Variants in NEK2 observed in about 807,000 individuals in gnomAD.
NEK2 encodes the protein NIMA related kinase 2.
Under a neutral mutation model 54.1 loss-of-function variants are expected in NEK2, and 28 were observed. The observed-to-expected ratio is 0.52, with a 90% confidence interval of 0.38 to 0.71. The LOEUF (loss-of-function observed/expected upper bound fraction) is 0.71, where lower values mean the gene tolerates loss of function less well. Among genes scored for constraint, NEK2 ranks in the 30% least tolerant of loss-of-function variants. The probability of loss-of-function intolerance (pLI) is 0.00; values close to 1 mark genes in which losing one functional copy is unlikely to be tolerated. For missense variants in NEK2, 407 were observed against 531.5 expected, an observed-to-expected ratio of 0.77 and a Z score of 2.30; for synonymous variants, 176 against 193.1, an observed-to-expected ratio of 0.91 and a Z score of 0.73.
chr1:211,662,850 GAAA>G lies in NEK2; in HGVS notation c.*573_*575del. On this transcript the variant is annotated 3_prime_UTR_variant, in exon 8 of 8. Coordinates refer to ENST00000366999, the MANE Select transcript of NEK2 (RefSeq NM_002497.4). The surrounding 1 kb of genome is among the most constrained non-coding windows in gnomAD (Gnocchi z 4.2). ...CAGACAGCTCATATTCTGTTAAACAGAAAAAAAAAAAGAATACAAACATCACAG... is the reference window on the plus strand; with the variant it reads ...CAGACAGCTCATATTCTGTTAAACAGAAAAAAAAGAATACAAACATCACAG... 1 of 857,674 alleles carries G rather than the reference GAAA, an allele frequency of 1.2e-6. No individual in the cohort carries two copies. Among genetic ancestry groups the G allele is most frequent in the Non-Finnish European group, 1.4e-6 (1 of 716,982 alleles). The allele number at this position is 857,674 out of a possible 1,614,324, so 53.1% of individuals were successfully genotyped here.
chr1:211,671,634 GT>G (rs1268250602), intron 3 of NEK2, among the ~76,000 whole-genome samples: 2 of 152,162 alleles, frequency 1.3e-5, no homozygotes, highest in African/African-American at 4.8e-5. Flanking sequence ...TATGTATCTA[GT>G]CCACATTTAA....
At chr1:211,673,048 T>C (rs963192646) in intron 3 of NEK2, among the ~76,000 whole-genome samples, 2 of 151,212 alleles carry the variant, frequency 1.3e-5, no homozygotes, top group African/African-American at 4.9e-5. Flanking sequence ...TATTTTCAAT[T>C]CTTGGCTACT....
chr1:211,660,660 G>A, downstream of NEK2: 1 of 658,242 alleles, frequency 1.5e-6, no homozygotes, highest in South Asian at 1.4e-5. Context: ...AAACTGTCTT[G>A]TACTTGACAA....
chr1:211,660,602 T>C, downstream of NEK2: 1 of 641,180 alleles, frequency 1.6e-6, no homozygotes, highest in Non-Finnish European at 3.0e-6. Flanking sequence ...TCACCATCAA[T>C]GCCTGCCATA....
chr1:211,666,615 A>G (rs1571641419), intron 7 of NEK2: 4 of 343,214 alleles, frequency 1.2e-5, no homozygotes, highest in Admixed American at 6.5e-5. Flanking sequence ...CCTGGCTAAC[A>G]CGGTGAAACC....
In NEK2 at chr1:211,665,234, G is replaced by A. The variant is rs567782003; in HGVS notation, c.1112-1582C>T. Among the ~76,000 whole-genome samples the A allele has an allele frequency of 1.4e-4, 21 of 152,080 alleles. 1 individual carries two copies. In the South Asian group the frequency reaches 3.5e-3, roughly 26 times the overall value. ...CTGTCCTGAGTTCAGAATGGTACCC[G>A]CTCCCCACTGCTATGATGCTTATCT... On this transcript the variant is annotated intron_variant, in intron 7 of 7. Coordinates refer to ENST00000366999, the MANE Select transcript of NEK2 (RefSeq NM_002497.4).
intron 5 of NEK2, 117 bp from the exon 6 acceptor site, chr1:211,669,449 T>A: frequency 1.1e-6 from 1 of 896,266 alleles, no homozygotes; most frequent in Non-Finnish European, 1.7e-6. Flanking sequence ...AGGACTCCTT[T>A]ATGGCTAGGT....
chr1:211,670,905 C>T (rs1255092597), intron 4 of NEK2, among the ~76,000 whole-genome samples: 2 of 152,204 alleles, frequency 1.3e-5, no homozygotes, highest in Non-Finnish European at 2.9e-5. Flanking sequence ...CTTACAGTAG[C>T]TTTACCTTAC....
chr1:211,674,219 C>T lies in NEK2; in HGVS notation c.314+77G>A, dbSNP rs1655499640. 6.6e-6 allele frequency: 8 copies of T among 1,220,948 alleles called. No individual in the cohort carries two copies. In the South Asian group the frequency reaches 9.9e-5, roughly 15 times the overall value. The allele number at this position is 1,220,948 out of a possible 1,614,324, so 75.6% of individuals were successfully genotyped here. A position where few individuals can be genotyped will look rare whatever the true frequency, so the allele number is the denominator to read the frequency against. ...AATACAAATACACTCTTCCATATTA[C>T]TGATCCTAAAACAAGATGCTTAAAA... On this transcript the variant is annotated intron_variant, in intron 2 of 7. Coordinates refer to ENST00000366999, the MANE Select transcript of NEK2 (RefSeq NM_002497.4).
chr1:211,669,517 C>T, intron 5 of NEK2, 185 bp from the exon 6 acceptor site: 1 of 603,700 alleles, frequency 1.7e-6, no homozygotes, highest in Non-Finnish European at 2.9e-6. Context: ...GTTCTGGGTC[C>T]ACAAGGTAAT....
downstream of NEK2, chr1:211,660,191 A>T (rs1558225117): frequency 3.0e-5 from 9 of 296,796 alleles, no homozygotes; most frequent in South Asian, 4.0e-4. Flanking sequence ...TCTCTAGGTC[A>T]CTTTTTCCGC....
chr1:211,673,224 C>T (rs1655455853), intron 3 of NEK2, among the ~76,000 whole-genome samples: 2 of 152,038 alleles, frequency 1.3e-5, no homozygotes, highest in South Asian at 4.1e-4. Context: ...GCCTGGTCAA[C>T]ATGATGAAAC....
At chr1:211,658,560 C>G, downstream of NEK2, 1 of 412,152 alleles carries the variant, frequency 2.4e-6, no homozygotes, top group South Asian at 1.7e-5. Context: ...GGGAGGATTG[C>G]TTGAGCCCAT....
chr1:211,666,054 T>C (rs1464906126), intron 7 of NEK2, among the ~76,000 whole-genome samples: 1 of 152,236 alleles, frequency 6.6e-6, no homozygotes, highest in Admixed American at 6.5e-5. Flanking sequence ...AGCAAAAAGA[T>C]GTTTCACAGT....
In NEK2 at chr1:211,673,637, C is replaced by T. The variant is rs146297864; in HGVS notation, c.401G>A (p.Gly134Asp). 1,051 of 1,614,136 alleles carry T rather than the reference C, an allele frequency of 6.5e-4. 6 individuals are homozygous for T. The Middle Eastern group carries it at 9.4e-3, about 14-fold the overall frequency. ...LKECHRRSDG[G>D]HTVLHRDLKP... ...CAGATCCCGATGCAATACGGTATGA[C>T]CACCATCACTTCGTCTGTGGCATTC... is the stretch of plus-strand genomic sequence containing the variant. Residue 134 changes from glycine to aspartate, a missense_variant, in exon 3 of 8, where the codon GGT (glycine) becomes GAT (aspartate). By Grantham distance (94) the Gly-to-Asp change is moderately conservative. Transcript: ENST00000366999.
At chr1:211,669,586 A>G (rs185912731) in intron 5 of NEK2, 6 of 456,370 alleles carry the variant, frequency 1.3e-5, no homozygotes, top group Admixed American at 7.7e-5. Context: ...AGAAGGTTCA[A>G]TCCCTGAAGA....
At chr1:211,670,252 C>T (rs1191050163) in intron 5 of NEK2, 29 bp downstream of exon 5, 1 of 1,588,698 alleles carries the variant, frequency 6.3e-7, no homozygotes, top group South Asian at 1.1e-5. Context: ...CAGCTAGAAA[C>T]AGACAATATA....
At chr1:211,660,861 A>T, downstream of NEK2, 1 of 718,404 alleles carries the variant, frequency 1.4e-6, no homozygotes, top group Non-Finnish European at 2.6e-6. Flanking sequence ...GAAGCATAGC[A>T]TCATTGACAG....
chr1:211,674,409 G>A lies in NEK2; in HGVS notation c.201C>T (p.Ile67=), dbSNP rs1292422509. 2 of 1,614,076 alleles carry A rather than the reference G, an allele frequency of 1.2e-6. No individual in the cohort carries two copies. The highest frequency in any genetic ancestry group is 1.7e-6 in the Non-Finnish European group (2 of 1,179,988). ...NLLRELKHPN[I]VRYYDRIIDR... ...CAATAATCCGATCATAGTAACGAAC[G>A]ATGTTTGGATGTTTCAGTTCACGAA... Residue 67 remains isoleucine (I), a synonymous_variant, in exon 2 of 8, where the codon ATC becomes ATT. Transcript: ENST00000366999.
Sources: gnomAD v4.1 joint callset for allele counts (sites outside exome capture counted in the v4.1 genomes callset) on GRCh38, gnomAD v4.1.1 for gene constraint, Gnocchi (gnomAD v3.1) non-coding constraint, MANE v1.5 for transcripts, NCBI Gene and HGNC (gene_info 2026-07-23, HGNC 2026-07-21) for gene names.